NPAS3: variants seen among roughly 807,000 people sequenced by gnomAD.
NPAS3 encodes neuronal PAS domain protein 3.
Under a neutral mutation model 73.1 loss-of-function variants are expected in NPAS3, and 14 were observed. The observed-to-expected ratio is 0.19, with a 90% CI of 0.13 to 0.30. The LOEUF (loss-of-function observed/expected upper bound fraction) is 0.30. Among genes scored for constraint, NPAS3 ranks in the 10% least tolerant of loss-of-function variants. The probability of loss-of-function intolerance (pLI) is 1.00; values close to 1 mark genes in which losing one functional copy is unlikely to be tolerated. For synonymous variants in NPAS3, 620 were observed against 541.5 expected (o/e 1.14, Z -2.01); for missense variants, 1,096 against 1,250.0 (o/e 0.88, Z 1.86).
chr14:33,068,865 A>G (rs752246991), intron 2 of NPAS3, among the ~76,000 whole-genome samples: 6 of 152,138 alleles, frequency 3.9e-5, no homozygotes, highest in South Asian at 2.1e-4. Flanking sequence ...CACACCAGGG[A>G]GGCCAGTGTG....
chr14:33,404,107 A>G (rs752334903), intron 4 of NPAS3, among the ~76,000 whole-genome samples: 1 of 152,112 alleles, frequency 6.6e-6, no homozygotes, highest in Non-Finnish European at 1.5e-5. Context: ...TTTTGTCTCT[A>G]ACTGAGAACA....
intron 4 of NPAS3, among the ~76,000 whole-genome samples, chr14:33,373,308 TAAAC>T (rs2046173535): frequency 6.6e-6 from 1 of 152,160 alleles, no homozygotes; most frequent in African/African-American, 2.4e-5. Context: ...TCACAGGTGT[TAAAC>T]AAGTTAAACC....
At chr14:32,952,992 GC>G (rs1470808303) in intron 1 of NPAS3, among the ~76,000 whole-genome samples, 1 of 151,830 alleles carries the variant, frequency 6.6e-6, no homozygotes, top group Non-Finnish European at 1.5e-5. Context: ...GATTGCTTGA[GC>G]CCAGGAGTTT....
chr14:32,964,824 A>G (rs2037084388), intron 1 of NPAS3, among the ~76,000 whole-genome samples: 2 of 148,050 alleles, frequency 1.4e-5, no homozygotes, highest in Admixed American at 6.8e-5. Context: ...AAAAAAAAAA[A>G]GAAGAAGATT....
intron 5 of NPAS3, among the ~76,000 whole-genome samples, chr14:33,568,655 A>G (rs74602187): frequency 3.3e-5 from 5 of 152,140 alleles, no homozygotes; most frequent in African/African-American, 1.2e-4. Context: ...TTTCATTTCT[A>G]TACACACACA....
chr14:33,631,048 AAGCATCCCCCTG>A (rs2058363601), intron 5 of NPAS3, among the ~76,000 whole-genome samples: 1 of 152,230 alleles, frequency 6.6e-6, no homozygotes, highest in Non-Finnish European at 1.5e-5. Context: ...TTCATGCACC[AAGCATCCCCCTG>A]AGCATCCAGC....
chr14:33,311,345 A>G (rs1452681937), intron 3 of NPAS3, among the ~76,000 whole-genome samples: 1 of 152,198 alleles, frequency 6.6e-6, no homozygotes, highest in Non-Finnish European at 1.5e-5. Flanking sequence ...GGCCTTATTC[A>G]TAAAAGAATA....
intron 7 of NPAS3, among the ~76,000 whole-genome samples, chr14:33,768,540 A>C (rs190758790): frequency 6.6e-6 from 1 of 152,254 alleles, no homozygotes; most frequent in East Asian, 1.9e-4. Context: ...TGCCCCCACT[A>C]TGGGGCTGTA....
chr14:33,578,862 T>G (rs796622104), intron 5 of NPAS3, among the ~76,000 whole-genome samples: 12 of 152,310 alleles, frequency 7.9e-5, no homozygotes, highest in African/African-American at 2.9e-4. Context: ...CAGGGTTATC[T>G]TTTCTCACAG....
intron 2 of NPAS3, among the ~76,000 whole-genome samples, chr14:33,134,695 A>G (rs2043769718): frequency 6.6e-6 from 1 of 152,214 alleles, no homozygotes; most frequent in Non-Finnish European, 1.5e-5. Flanking sequence ...AGATGGACCC[A>G]TGAAGCTTTG....
chr14:33,706,880 C>G (rs1477881679), intron 6 of NPAS3, among the ~76,000 whole-genome samples: 1 of 152,168 alleles, frequency 6.6e-6, no homozygotes, highest in Non-Finnish European at 1.5e-5. Flanking sequence ...AAGAAGGAAA[C>G]AAGAACTTGC....
chr14:33,790,675 TTTTC>T (rs1171792362), intron 9 of NPAS3, among the ~76,000 whole-genome samples: 2 of 152,216 alleles, frequency 1.3e-5, no homozygotes, highest in African/African-American at 2.4e-5. Flanking sequence ...ATGATTTCTT[TTTTC>T]TTTTTTTGAG....
intron 9 of NPAS3, among the ~76,000 whole-genome samples, chr14:33,787,193 A>G (rs1270815671): frequency 6.6e-6 from 1 of 152,212 alleles, no homozygotes; most frequent in Non-Finnish European, 1.5e-5. Flanking sequence ...GATGTCCCTC[A>G]TGCCAACAAT....
intron 1 of NPAS3, among the ~76,000 whole-genome samples, chr14:33,011,912 C>CT (rs1354676214): frequency 6.6e-6 from 1 of 151,904 alleles, no homozygotes; most frequent in East Asian, 1.9e-4. Flanking sequence ...GGTTCATGTG[C>CT]TTTTTTTTAT....
chr14:33,766,151 G>A (rs1161103245), intron 7 of NPAS3, among the ~76,000 whole-genome samples: 1 of 152,228 alleles, frequency 6.6e-6, no homozygotes, highest in Admixed American at 6.5e-5. Context: ...ATGTGTAAGA[G>A]TAACAATACC....
intron 1 of NPAS3, among the ~76,000 whole-genome samples, chr14:32,941,350 T>TC (rs1490583808): frequency 1.6e-5 from 2 of 125,798 alleles, no homozygotes; most frequent in South Asian, 3.0e-4. Context: ...CTTCCTTCCT[T>TC]CTTCCCAGTT....
chr14:32,988,818 T>G (rs193170604), intron 1 of NPAS3, among the ~76,000 whole-genome samples: 1 of 152,334 alleles, frequency 6.6e-6, no homozygotes, highest in Non-Finnish European at 1.5e-5. Flanking sequence ...ACCTTCCAAT[T>G]TATACTTTTC....
intron 5 of NPAS3, among the ~76,000 whole-genome samples, chr14:33,594,272 TTTGTTG>T (rs372935827): frequency 1.8e-4 from 28 of 152,014 alleles, no homozygotes; most frequent in Non-Finnish European, 3.2e-4. Flanking sequence ...GCTATTATTG[TTTGTTG>T]TTGTTGTTGT....
chr14:33,103,061 A>ATTTAAG, intron 2 of NPAS3, among the ~76,000 whole-genome samples: 1 of 152,290 alleles, frequency 6.6e-6, no homozygotes, highest in Non-Finnish European at 1.5e-5. Flanking sequence ...TTTATAAGGA[A>ATTTAAG]TTTAAGTTAA....
Sources: allele counts gnomAD v4.1 joint callset (sites outside exome capture counted in the v4.1 genomes callset), GRCh38; gene constraint gnomAD v4.1.1; transcripts MANE v1.5; gene names NCBI Gene and HGNC (gene_info 2026-07-23, HGNC 2026-07-21).